The following ATXN1 variants were observed in gnomAD, a reference collection of about 807,000 sequenced individuals.
The protein encoded by ATXN1 is ataxin-1.
In ATXN1, 8 loss-of-function variants were observed where a neutral mutation model predicts 56.4. That is an observed-to-expected ratio of 0.14 (90% CI 0.08 to 0.26). The LOEUF (loss-of-function observed/expected upper bound fraction) is 0.26. Ranked by LOEUF, ATXN1 falls within the 10% of genes least tolerant of loss-of-function variation. The pLI, the probability that ATXN1 is intolerant of heterozygous loss-of-function variation, is 1.00. For synonymous variants in ATXN1, 514 were observed against 494.6 expected (o/e 1.04, Z -0.52); for missense variants, 987 against 1,106.5 (o/e 0.89, Z 1.53).
chr6:16,427,515 A>G (rs1759182591), intron 6 of ATXN1, among the ~76,000 whole-genome samples: 3 of 152,192 alleles, frequency 2.0e-5, no homozygotes, highest in Admixed American at 2.0e-4. Flanking sequence ...TCATAAACAC[A>G]CACACGATAC....
chr6:16,620,516 G>T (rs1157547346), intron 3 of ATXN1, among the ~76,000 whole-genome samples: 1 of 152,070 alleles, frequency 6.6e-6, no homozygotes, highest in African/African-American at 2.4e-5. Context: ...GAGAGAGAGA[G>T]ATGAAGATTC....
chr6:16,502,526 T>C (rs1189118399), intron 5 of ATXN1, among the ~76,000 whole-genome samples: 1 of 152,192 alleles, frequency 6.6e-6, no homozygotes. Flanking sequence ...TGAAAAACAG[T>C]AGGATTCTGG....
chr6:16,420,567 C>T (rs1759011324), intron 6 of ATXN1, among the ~76,000 whole-genome samples: 1 of 152,112 alleles, frequency 6.6e-6, no homozygotes, highest in African/African-American at 2.4e-5. Context: ...TGTTACTCTG[C>T]CTAAAATGGA....
rs371646801 is a variant in ATXN1 at position 16,321,759 on chromosome 6, T to C, written c.1917+4635A>G. On this transcript the variant is annotated intron_variant, in intron 7 of 7. Coordinates refer to ENST00000436367, the MANE Select transcript of ATXN1 (RefSeq NM_001128164.2). ...TTATATGCCATGGCTTTAGTTCCCATGAGGTCTGTGTGCCGCTTAGCATGA... is the reference window on the plus strand; with the variant it reads ...TTATATGCCATGGCTTTAGTTCCCACGAGGTCTGTGTGCCGCTTAGCATGA... 2.6e-5 allele frequency among the ~76,000 whole-genome samples: 4 copies of C among 152,340 alleles called. No individual in the cohort carries two copies. In the East Asian group the frequency reaches 5.8e-4, roughly 22 times the overall value.
intron 6 of ATXN1, among the ~76,000 whole-genome samples, chr6:16,382,314 AT>A (rs1403576189): frequency 6.6e-6 from 1 of 150,838 alleles, no homozygotes; most frequent in African/African-American, 2.5e-5. Context: ...AAAAAAAAAA[AT>A]ACCCAGGTAC....
At chr6:16,639,390 C>G (rs565217875) in intron 3 of ATXN1, among the ~76,000 whole-genome samples, 3 of 152,226 alleles carry the variant, frequency 2.0e-5, no homozygotes, top group Non-Finnish European at 4.4e-5. Flanking sequence ...ACAGGCTCAC[C>G]GCAACCTCCA....
chr6:16,443,821 A>C (rs753941582), intron 6 of ATXN1, among the ~76,000 whole-genome samples: 2 of 152,206 alleles, frequency 1.3e-5, no homozygotes, highest in Non-Finnish European at 2.9e-5. Flanking sequence ...TTACCTTAAA[A>C]AATACGTACA....
At chr6:16,393,564 ACTCTAT>A (rs1179024565) in intron 6 of ATXN1, among the ~76,000 whole-genome samples, 2 of 151,976 alleles carry the variant, frequency 1.3e-5, no homozygotes, top group African/African-American at 4.8e-5. Context: ...AAAATATGTG[ACTCTAT>A]CTCTACATTA....
chr6:16,320,144 G>C (rs1208494261), intron 7 of ATXN1, among the ~76,000 whole-genome samples: 1 of 152,120 alleles, frequency 6.6e-6, no homozygotes, highest in Non-Finnish European at 1.5e-5. Flanking sequence ...GCCTGCATGA[G>C]GGCCTCGGCT....
intron 3 of ATXN1, among the ~76,000 whole-genome samples, chr6:16,592,732 G>A (rs376321683): frequency 1.3e-5 from 2 of 151,962 alleles, no homozygotes; most frequent in African/African-American, 2.4e-5. Flanking sequence ...TAACCTTTGC[G>A]GTGACTGTTA....
intron 6 of ATXN1, among the ~76,000 whole-genome samples, chr6:16,400,326 C>T (rs573867201): frequency 2.6e-5 from 4 of 152,342 alleles, no homozygotes; most frequent in South Asian, 2.1e-4. Context: ...TCTCCTACAG[C>T]CCTCTGAGGT....
At chr6:16,472,296 C>T (rs1760235716) in intron 6 of ATXN1, among the ~76,000 whole-genome samples, 1 of 152,112 alleles carries the variant, frequency 6.6e-6, no homozygotes, top group African/African-American at 2.4e-5. Context: ...TGCAAAACTT[C>T]ATGTAAGGTC....
At chr6:16,336,103 C>G (rs1325270109) in intron 6 of ATXN1, among the ~76,000 whole-genome samples, 1 of 152,140 alleles carries the variant, frequency 6.6e-6, no homozygotes, top group African/African-American at 2.4e-5. Flanking sequence ...TTAAATATCT[C>G]ATTTACTCTT....
intron 3 of ATXN1, among the ~76,000 whole-genome samples, chr6:16,604,324 C>CA (rs57547112): frequency 0.054 from 6,078 of 111,972 alleles, 477 homozygotes; most frequent in African/African-American, 0.18. Flanking sequence ...AACTCTGTCT[C>CA]AAAAAAAAAA....
At chr6:16,571,746 A>C (rs142996070) in intron 4 of ATXN1, among the ~76,000 whole-genome samples, 2,282 of 152,038 alleles carry the variant, frequency 0.015, 71 homozygotes, top group African/African-American at 0.051. Flanking sequence ...CTGCAGCCTC[A>C]AACTCCTAGA....
chr6:16,664,867 T>C (rs1224487447), intron 2 of ATXN1, among the ~76,000 whole-genome samples: 1 of 152,046 alleles, frequency 6.6e-6, no homozygotes, highest in Non-Finnish European at 1.5e-5. Context: ...AGAAGCAAAA[T>C]TGAGAAAAAT....
chr6:16,567,487 G>T (rs1458297314), intron 4 of ATXN1, among the ~76,000 whole-genome samples: 1 of 152,176 alleles, frequency 6.6e-6, no homozygotes, highest in Non-Finnish European at 1.5e-5. Context: ...AAGGGTGCAT[G>T]TGTGAGGGGG....
intron 3 of ATXN1, among the ~76,000 whole-genome samples, chr6:16,625,050 A>G (rs2113804736): frequency 6.6e-6 from 1 of 152,352 alleles, no homozygotes; most frequent in South Asian, 2.1e-4. Flanking sequence ...GTCAACGATT[A>G]CTGGGAATGG....
At chr6:16,456,103 G>A (rs1759864186) in intron 6 of ATXN1, among the ~76,000 whole-genome samples, 1 of 152,130 alleles carries the variant, frequency 6.6e-6, no homozygotes, top group African/African-American at 2.4e-5. Context: ...GCTTTGTCCT[G>A]TCGCTCTTCA....
Sources: allele counts gnomAD v4.1 joint callset (sites outside exome capture counted in the v4.1 genomes callset), GRCh38; gene constraint gnomAD v4.1.1; transcripts MANE v1.5; gene names NCBI Gene and HGNC (gene_info 2026-07-23, HGNC 2026-07-21).